Variants in LOC128092252 observed in about 807,000 individuals in gnomAD.
chr15:50,671,658 TA>T, the LOC128092252 span, among the ~76,000 whole-genome samples: 3 of 151,904 alleles, frequency 2.0e-5, no homozygotes, highest in African/African-American at 7.3e-5. Flanking sequence ...AAGTTTTTTT[TA>T]ATTAGCCAAG....
chr15:50,659,240 T>C, the LOC128092252 span, among the ~76,000 whole-genome samples: 109 of 151,806 alleles, frequency 7.2e-4, no homozygotes, highest in African/African-American at 2.6e-3. Context: ...CAAGATAAGT[T>C]ACAGTCACAG....
chr15:50,655,634 A>G, the LOC128092252 span, among the ~76,000 whole-genome samples: 2 of 152,186 alleles, frequency 1.3e-5, no homozygotes, highest in Non-Finnish European at 2.9e-5. Context: ...ACACAGGAAG[A>G]CAACTACTGT....
the LOC128092252 span, among the ~76,000 whole-genome samples, chr15:50,681,926 A>C: frequency 6.6e-6 from 1 of 152,180 alleles, no homozygotes; most frequent in African/African-American, 2.4e-5. Flanking sequence ...TCACGCCTGT[A>C]ATCCCAGCAC....
At chr15:50,665,269 C>G in the LOC128092252 span, among the ~76,000 whole-genome samples, 1 of 151,798 alleles carries the variant, frequency 6.6e-6, no homozygotes, top group Non-Finnish European at 1.5e-5. Flanking sequence ...TGGTGGCACA[C>G]ATCTGTAATC....
the LOC128092252 span, among the ~76,000 whole-genome samples, chr15:50,651,373 T>A: frequency 6.6e-6 from 1 of 152,174 alleles, no homozygotes; most frequent in Non-Finnish European, 1.5e-5. Flanking sequence ...ACGCCGGGTG[T>A]GGTGGCTCAC....
the LOC128092252 span, among the ~76,000 whole-genome samples, chr15:50,667,938 A>C: frequency 6.6e-6 from 1 of 152,198 alleles, no homozygotes; most frequent in Non-Finnish European, 1.5e-5. Flanking sequence ...TTCCAAAATT[A>C]TGAAAAGCTC....
the LOC128092252 span, among the ~76,000 whole-genome samples, chr15:50,663,750 A>T: frequency 1.3e-5 from 2 of 152,142 alleles, no homozygotes; most frequent in Admixed American, 1.3e-4. Context: ...GGATCCTTTT[A>T]GACAGAATTC....
At chr15:50,678,516 AAAT>A in the LOC128092252 span, among the ~76,000 whole-genome samples, 3,877 of 98,972 alleles carry the variant, frequency 0.039, 72 homozygotes, top group Non-Finnish European at 0.054. Context: ...TAAAAAAAAA[AAAT>A]ATATATATAT....
chr15:50,677,450 G>C, the LOC128092252 span, among the ~76,000 whole-genome samples: 1 of 151,830 alleles, frequency 6.6e-6, no homozygotes, highest in Non-Finnish European at 1.5e-5. Context: ...GATTAAAAGA[G>C]AACCCAGAGG....
At chr15:50,649,961 G>T in the LOC128092252 span, among the ~76,000 whole-genome samples, 1 of 152,044 alleles carries the variant, frequency 6.6e-6, no homozygotes, top group South Asian at 2.1e-4. Flanking sequence ...TTGGGAGGCC[G>T]AGACGGGCAG....
chr15:50,655,298 T>C, the LOC128092252 span, among the ~76,000 whole-genome samples: 2 of 151,390 alleles, frequency 1.3e-5, no homozygotes, highest in African/African-American at 4.9e-5. Flanking sequence ...CCAGGCATGG[T>C]GGCATGCGTC....
the LOC128092252 span, among the ~76,000 whole-genome samples, chr15:50,657,436 A>C: frequency 6.6e-6 from 1 of 152,112 alleles, no homozygotes; most frequent in Admixed American, 6.6e-5. Context: ...TGAAACTCTC[A>C]TTTTTCCAGG....
chr15:50,652,079 T>C, the LOC128092252 span, among the ~76,000 whole-genome samples: 2 of 151,680 alleles, frequency 1.3e-5, no homozygotes, highest in Non-Finnish European at 2.9e-5. Flanking sequence ...ATGCCTGTAA[T>C]CCCAGCACTT....
the LOC128092252 span, among the ~76,000 whole-genome samples, chr15:50,682,576 CAA>C: frequency 1.6e-4 from 17 of 103,108 alleles, no homozygotes; most frequent in Admixed American, 2.1e-4. Flanking sequence ...AACTCCATCT[CAA>C]AAAAAAAAAA....
the LOC128092252 span, among the ~76,000 whole-genome samples, chr15:50,674,737 T>C: frequency 6.6e-6 from 1 of 152,190 alleles, no homozygotes; most frequent in Admixed American, 6.5e-5. Context: ...CTCTGAGCTT[T>C]TGTCTGGGAA....
the LOC128092252 span, among the ~76,000 whole-genome samples, chr15:50,668,657 G>A: frequency 1.6e-4 from 24 of 152,124 alleles, no homozygotes; most frequent in African/African-American, 3.6e-4. Context: ...ACAGATGCCC[G>A]CCACCACACC....
the LOC128092252 span, among the ~76,000 whole-genome samples, chr15:50,670,904 T>C: frequency 8.0e-4 from 121 of 151,882 alleles, no homozygotes; most frequent in African/African-American, 2.7e-3. Context: ...CCAGGTGCAG[T>C]AGCTCTTGCC....
chr15:50,670,787 C>T, the LOC128092252 span, among the ~76,000 whole-genome samples: 1 of 144,064 alleles, frequency 6.9e-6, no homozygotes, highest in Non-Finnish European at 1.5e-5. Flanking sequence ...CTTGCCTTCA[C>T]TTTACTGTAA....
At chr15:50,678,005 C>T in the LOC128092252 span, among the ~76,000 whole-genome samples, 9 of 151,684 alleles carry the variant, frequency 5.9e-5, no homozygotes, top group Non-Finnish European at 1.2e-4. Context: ...TTTGGGAGGC[C>T]GAGGCGGGCG....
Sources: allele counts gnomAD v4.1 joint callset (sites outside exome capture counted in the v4.1 genomes callset), GRCh38; gene constraint gnomAD v4.1.1; transcripts MANE v1.5.